Variants in SLC49A4 observed in about 807,000 individuals in gnomAD.
The protein encoded by SLC49A4 is disrupted in renal cancer protein 2.
A neutral mutation model predicts 50.6 loss-of-function variants in SLC49A4; 36 were observed. The observed-to-expected ratio is 0.71, with a 90% CI of 0.55 to 0.94. The LOEUF (loss-of-function observed/expected upper bound fraction) is 0.94, where lower values mean the gene tolerates loss of function less well. Among genes scored for constraint, SLC49A4 ranks in the 40% least tolerant of loss-of-function variants. The pLI is 0.00. For synonymous variants in SLC49A4, 248 were observed against 241.2 expected (o/e 1.03, Z -0.26); for missense variants, 503 against 605.7 (o/e 0.83, Z 1.78).
chr3:122,858,897 G>A (rs529407192), intron 6 of SLC49A4, among the ~76,000 whole-genome samples: 4 of 152,214 alleles, frequency 2.6e-5, no homozygotes, highest in African/African-American at 9.6e-5. Flanking sequence ...CTAATGATAA[G>A]CGTCTCTACC....
chr3:122,845,448 G>A (rs1457013232), intron 4 of SLC49A4, among the ~76,000 whole-genome samples: 3 of 152,032 alleles, frequency 2.0e-5, no homozygotes, highest in Admixed American at 6.6e-5. Context: ...TGTTTTTATA[G>A]TGGAGTGATT....
chr3:122,806,723 C>A, intron 1 of SLC49A4, 134 bp from the exon 2 acceptor site: 2 of 560,800 alleles, frequency 3.6e-6, no homozygotes, highest in Non-Finnish European at 3.2e-6. Context: ...TTTTTTTTTC[C>A]ATTTTTAAAG....
intron 7 of SLC49A4, among the ~76,000 whole-genome samples, chr3:122,863,388 T>C (rs1576310234): frequency 6.6e-6 from 1 of 152,352 alleles, no homozygotes; most frequent in South Asian, 2.1e-4. Flanking sequence ...AAGTATATGT[T>C]ATCTCCATTT....
intron 7 of SLC49A4, among the ~76,000 whole-genome samples, chr3:122,869,964 C>T (rs190175408): frequency 2.6e-5 from 4 of 151,952 alleles, no homozygotes; most frequent in Non-Finnish European, 5.9e-5. Context: ...AGTCAAATCT[C>T]TCTTTTCAAG....
intron 8 of SLC49A4, among the ~76,000 whole-genome samples, chr3:122,873,922 A>G (rs961273721): frequency 6.6e-6 from 1 of 152,178 alleles, no homozygotes; most frequent in African/African-American, 2.4e-5. Flanking sequence ...GATGGCTGTG[A>G]TCCCCCCTGG....
chr3:122,840,499 T>G (rs961012039), intron 4 of SLC49A4, among the ~76,000 whole-genome samples: 6 of 152,138 alleles, frequency 3.9e-5, no homozygotes, highest in Admixed American at 3.9e-4. Flanking sequence ...TAAGTAAAAT[T>G]AATAAGTAAA....
chr3:122,818,473 TC>T (rs1936407829), intron 2 of SLC49A4, among the ~76,000 whole-genome samples: 1 of 152,166 alleles, frequency 6.6e-6, no homozygotes, highest in Non-Finnish European at 1.5e-5. Context: ...TTCAAAATTT[TC>T]TACTATGAAT....
At chr3:122,866,096 A>T (rs1400306230) in intron 7 of SLC49A4, among the ~76,000 whole-genome samples, 1 of 151,754 alleles carries the variant, frequency 6.6e-6, no homozygotes, top group Non-Finnish European at 1.5e-5. Flanking sequence ...CACTGGTGCG[A>T]CCTTGGCTCA....
chr3:122,801,203 A>C (rs775673974), intron 1 of SLC49A4, among the ~76,000 whole-genome samples: 1 of 152,276 alleles, frequency 6.6e-6, no homozygotes, highest in Non-Finnish European at 1.5e-5. Context: ...GAGAAGAAGT[A>C]GCAAGCTCCC....
chr3:122,850,077 A>T (rs568211491), intron 5 of SLC49A4, among the ~76,000 whole-genome samples: 1 of 152,234 alleles, frequency 6.6e-6, no homozygotes. Flanking sequence ...CTGACTTTCA[A>T]TATGAAAATA....
chr3:122,868,341 A>T (rs2107582594), intron 7 of SLC49A4, among the ~76,000 whole-genome samples: 1 of 152,312 alleles, frequency 6.6e-6, no homozygotes, highest in South Asian at 2.1e-4. Context: ...TAGAAAAAAA[A>T]CTGCATCAGC....
intron 4 of SLC49A4, among the ~76,000 whole-genome samples, chr3:122,842,485 CAAAAAAAAAAAA>C (rs34914829): frequency 6.8e-5 from 4 of 58,758 alleles, no homozygotes; most frequent in African/African-American, 2.7e-4. Flanking sequence ...GACTCCGTCT[CAAAAAAAAAAAA>C]AAAAAAAAAA....
At chr3:122,821,004 G>T (rs1576295734) in intron 2 of SLC49A4, among the ~76,000 whole-genome samples, 1 of 152,198 alleles carries the variant, frequency 6.6e-6, no homozygotes, top group Non-Finnish European at 1.5e-5. Context: ...ATCGGGGGTG[G>T]TTACCCCCAT....
chr3:122,867,214 A>G (rs770162155), intron 7 of SLC49A4, among the ~76,000 whole-genome samples: 5 of 152,190 alleles, frequency 3.3e-5, no homozygotes, highest in Non-Finnish European at 7.3e-5. Context: ...GTTCTGTCAT[A>G]TAATGTGCAG....
intron 4 of SLC49A4, among the ~76,000 whole-genome samples, chr3:122,837,807 A>G (rs1296129485): frequency 4.6e-5 from 7 of 152,068 alleles, no homozygotes; most frequent in Non-Finnish European, 1.0e-4. Flanking sequence ...TTCACAACCT[A>G]CTTATCTGAC....
chr3:122,856,485 A>T, intron 6 of SLC49A4, 111 bp downstream of exon 6: 1 of 938,780 alleles, frequency 1.1e-6, no homozygotes, highest in Non-Finnish European at 1.7e-6. Flanking sequence ...AAAACAAGCA[A>T]AGGTCAGAAA....
intron 5 of SLC49A4, among the ~76,000 whole-genome samples, chr3:122,848,692 AT>A (rs1936888164): frequency 6.9e-6 from 1 of 144,888 alleles, no homozygotes. Flanking sequence ...TTTAAAATTG[AT>A]ATGTAATTGC....
intron 1 of SLC49A4, among the ~76,000 whole-genome samples, chr3:122,804,916 G>A (rs1936192705): frequency 1.3e-5 from 2 of 152,188 alleles, no homozygotes; most frequent in South Asian, 4.1e-4. Flanking sequence ...GTAACAATAG[G>A]AAGCCTGGTT....
chr3:122,815,817 G>A (rs1442398765), intron 2 of SLC49A4, among the ~76,000 whole-genome samples: 1 of 152,176 alleles, frequency 6.6e-6, no homozygotes. Context: ...CACCTGAAGT[G>A]GTTGTTGGAC....
Sources: gnomAD v4.1 joint callset for allele counts (sites outside exome capture counted in the v4.1 genomes callset) on GRCh38, gnomAD v4.1.1 for gene constraint, MANE v1.5 for transcripts, NCBI Gene and HGNC (gene_info 2026-07-23, HGNC 2026-07-21) for gene names.